CYP19A1: variants seen among roughly 807,000 people sequenced by gnomAD.
CYP19A1 encodes aromatase.
Under a neutral mutation model 44.4 loss-of-function variants are expected in CYP19A1, and 32 were observed. That is an observed-to-expected ratio of 0.72 (90% CI 0.54 to 0.97). CYP19A1 has a LOEUF of 0.97. CYP19A1 is among the 50% of genes least tolerant of loss of function. CYP19A1 has a pLI of 0.00. For missense variants in CYP19A1, 598 were observed against 637.8 expected (o/e 0.94, Z 0.67); for synonymous variants, 212 against 215.6 (o/e 0.98, Z 0.14).
At chr15:51,331,110 A>G (rs537519345) in intron 1 of CYP19A1, among the ~76,000 whole-genome samples, 1 of 152,172 alleles carries the variant, frequency 6.6e-6, no homozygotes, top group Admixed American at 6.5e-5. Context: ...TTCTAAACCA[A>G]TCGGGTGGTA....
Position 51,322,211 on chromosome 15 carries a change from T to C in CYP19A1, c.-39+16284A>G, listed in dbSNP as rs540872251. Among the ~76,000 whole-genome samples the C allele has an allele frequency of 4.6e-5, 7 of 152,270 alleles. No homozygotes were observed. In the East Asian group the frequency reaches 1.2e-3, roughly 25 times the overall value. On this transcript the variant is annotated intron_variant, in intron 1 of 9. Transcript: ENST00000396402. ...CTTCCCTGTGCATGGAAAGGAGCTG[T>C]TGGTGAGTATGGAGATCTCTGCCCT...
chr15:51,226,821 C>T (rs1375075390), intron 4 of CYP19A1, among the ~76,000 whole-genome samples: 1 of 152,142 alleles, frequency 6.6e-6, no homozygotes. Flanking sequence ...AAGCTTGCAA[C>T]TGGGTCTCAG....
At chr15:51,331,647 C>G (rs78351817) in intron 1 of CYP19A1, among the ~76,000 whole-genome samples, 9,085 of 152,198 alleles carry the variant, frequency 0.06, 937 homozygotes, top group African/African-American at 0.21. Context: ...ACTTCTTGCT[C>G]TCTGTAAAGA....
chr15:51,332,645 T>C (rs908511060), intron 1 of CYP19A1, among the ~76,000 whole-genome samples: 5 of 152,348 alleles, frequency 3.3e-5, no homozygotes, highest in Non-Finnish European at 7.3e-5. Context: ...CACCCTTTTA[T>C]CTGGTGGAAG....
intron 3 of CYP19A1, among the ~76,000 whole-genome samples, chr15:51,233,892 T>C (rs1021077867): frequency 1.3e-5 from 2 of 152,198 alleles, no homozygotes; most frequent in East Asian, 3.9e-4. Flanking sequence ...ACACATCATC[T>C]ACAGCTCACC....
intron 1 of CYP19A1, among the ~76,000 whole-genome samples, chr15:51,286,840 A>G (rs1195717068): frequency 6.6e-6 from 1 of 152,258 alleles, no homozygotes; most frequent in Non-Finnish European, 1.5e-5. Context: ...GCTGAAGTAC[A>G]GGTGAGAAGT....
chr15:51,314,115 G>A (rs1436083782), intron 1 of CYP19A1: 1 of 152,022 alleles, frequency 6.6e-6, no homozygotes, highest in Admixed American at 6.5e-5. Flanking sequence ...ACACAGCCAG[G>A]AGGGAGCAGA....
In CYP19A1 at chr15:51,210,777, A is replaced by G. The variant is rs549364400; in HGVS notation, c.*31T>C. On this transcript the variant is annotated 3_prime_UTR_variant, in exon 10 of 10. Transcript: ENST00000396402. Reference sequence around the variant, plus strand: ...TTTGTATGTGAACTACTGATGAGAAATGCTCCAGAGTGGGTACTGACCAGC... The same window carrying G: ...TTTGTATGTGAACTACTGATGAGAAGTGCTCCAGAGTGGGTACTGACCAGC... 4 of 1,377,730 alleles carry G rather than the reference A, an allele frequency of 2.9e-6. No individual in the cohort carries two copies. The East Asian group carries it at 6.8e-5, about 24-fold the overall frequency. 85.3% of individuals were successfully genotyped at this position (1,377,730 alleles called of 1,614,324 possible).
chr15:51,210,801 G>T lies in CYP19A1; in HGVS notation c.*7C>A, dbSNP rs538543868. On this transcript the variant is annotated 3_prime_UTR_variant, in exon 10 of 10. Transcript: ENST00000396402. ...AATGCTCCAGAGTGGGTACTGACCAGCCTTCTCTAGTGTTCCAGACACCTG... is the reference window on the plus strand; with the variant it reads ...AATGCTCCAGAGTGGGTACTGACCATCCTTCTCTAGTGTTCCAGACACCTG... 7 of 1,554,194 alleles carry T rather than the reference G, an allele frequency of 4.5e-6. No homozygotes were observed. In the South Asian group the frequency reaches 7.8e-5, roughly 17 times the overall value.
intron 1 of CYP19A1, among the ~76,000 whole-genome samples, chr15:51,306,192 T>C (rs2141007131): frequency 6.6e-6 from 1 of 152,182 alleles, no homozygotes; most frequent in South Asian, 2.1e-4. Flanking sequence ...AAGAAAAGCT[T>C]GGTAGGGAGA....
At chr15:51,250,542 T>A (rs1354119905) in intron 1 of CYP19A1, among the ~76,000 whole-genome samples, 2 of 152,134 alleles carry the variant, frequency 1.3e-5, no homozygotes, top group African/African-American at 2.4e-5. Flanking sequence ...TCTGATAGAG[T>A]CTCCCAGAGA....
intron 1 of CYP19A1, among the ~76,000 whole-genome samples, chr15:51,326,213 G>T (rs1441195219): frequency 1.3e-5 from 2 of 152,144 alleles, no homozygotes; most frequent in Non-Finnish European, 2.9e-5. Context: ...AAACCAGATT[G>T]CCACAGAGTA....
At chr15:51,222,098 A>C in intron 5 of CYP19A1, 1 of 622,830 alleles carries the variant, frequency 1.6e-6, no homozygotes, top group Non-Finnish European at 2.7e-6. Context: ...AACTGTGGGT[A>C]GAATTCTATT....
At chr15:51,330,683 T>A (rs1162960130) in intron 1 of CYP19A1, among the ~76,000 whole-genome samples, 1 of 151,956 alleles carries the variant, frequency 6.6e-6, no homozygotes, top group African/African-American at 2.4e-5. Flanking sequence ...CACTAGCAGT[T>A]GGGTGCACAG....
At chr15:51,212,155 G>C in intron 9 of CYP19A1, 165 bp downstream of exon 9, 1 of 693,110 alleles carries the variant, frequency 1.4e-6, no homozygotes, top group East Asian at 2.6e-5. Context: ...GGATGAATAC[G>C]GGAGCCCTGC....
intron 2 of CYP19A1, among the ~76,000 whole-genome samples, chr15:51,239,863 C>G (rs36075041): frequency 0.077 from 11,664 of 152,236 alleles, 495 homozygotes; most frequent in Non-Finnish European, 0.1. Flanking sequence ...TTTTCTCCCC[C>G]CTAGTTCCCT....
At chr15:51,322,057 C>T (rs1273126210) in intron 1 of CYP19A1, 3 of 152,264 alleles carry the variant, frequency 2.0e-5, no homozygotes, top group Non-Finnish European at 4.4e-5. Context: ...GCTACAGCTC[C>T]CGTCCCACAT....
chr15:51,248,937 T>G (rs540960647), intron 1 of CYP19A1, among the ~76,000 whole-genome samples: 205 of 151,702 alleles, frequency 1.4e-3, no homozygotes, highest in African/African-American at 4.8e-3. Context: ...ATTCATCTTT[T>G]TTTTTTTTTT....
chr15:51,275,756 C>G (rs1224599986), intron 1 of CYP19A1, among the ~76,000 whole-genome samples: 1 of 152,058 alleles, frequency 6.6e-6, no homozygotes, highest in African/African-American at 2.4e-5. Context: ...TATAAGAGTT[C>G]AAAAATTCTG....
Sources: allele counts gnomAD v4.1 joint callset (sites outside exome capture counted in the v4.1 genomes callset), GRCh38; gene constraint gnomAD v4.1.1; transcripts MANE v1.5; gene names NCBI Gene and HGNC (gene_info 2026-07-23, HGNC 2026-07-21).